The following TTC19 variants were observed in gnomAD, a reference collection of about 807,000 sequenced individuals.
TTC19 encodes the protein tetratricopeptide repeat protein 19, mitochondrial.
In TTC19, 38 loss-of-function variants were observed where a neutral mutation model predicts 49.5. The observed-to-expected ratio is 0.77, with a 90% CI of 0.59 to 1.01. The LOEUF is 1.01. TTC19 is among the 50% of genes least tolerant of loss of function. The pLI, the probability that TTC19 is intolerant of heterozygous loss-of-function variation, is 0.00. For synonymous variants in TTC19, 204 were observed against 185.2 expected (o/e 1.10, Z -0.83); for missense variants, 475 against 477.7 (o/e 0.99, Z 0.05).
intron 7 of TTC19, among the ~76,000 whole-genome samples, chr17:16,022,403 C>A (rs1383193664): frequency 6.6e-6 from 1 of 152,138 alleles, no homozygotes; most frequent in Non-Finnish European, 1.5e-5. Context: ...CCACTAAAAC[C>A]ATTAACACTC....
At chr17:16,025,194 G>A (rs1230233250) in intron 8 of TTC19, 23 bp downstream of exon 8, 1 of 1,609,944 alleles carries the variant, frequency 6.2e-7, no homozygotes, top group African/African-American at 1.3e-5. Context: ...AACACAGAAG[G>A]GGGAATATAA....
At chr17:16,015,082 T>C (rs1460914016) in intron 7 of TTC19, among the ~76,000 whole-genome samples, 1 of 152,230 alleles carries the variant, frequency 6.6e-6, no homozygotes, top group African/African-American at 2.4e-5. Flanking sequence ...ATTATGTTTG[T>C]ATTATTTGTT....
intron 7 of TTC19, among the ~76,000 whole-genome samples, chr17:16,022,289 C>G (rs1167094835): frequency 1.3e-5 from 2 of 152,188 alleles, no homozygotes; most frequent in Non-Finnish European, 2.9e-5. Context: ...GGGAGCTCAG[C>G]TGTGCAGGGA....
chr17:16,006,616 TA>T, intron 7 of TTC19, 48 bp downstream of exon 7: 2 of 1,242,724 alleles, frequency 1.6e-6, no homozygotes, highest in Non-Finnish European at 2.4e-6. Context: ...CAAAAGGCTT[TA>T]CTTTACACTT....
rs1041681272 is a variant in TTC19, at chr17:16,026,629, T to G, written c.921T>G (p.Asp307Glu). ...ATATTTATATGCAAAGGGCATCAGA[T>G]CTGGCAAGACAGATAAATCATCCTG... ...EAYIYMQRAS[D>E]LARQINHPEL... Residue 307 changes from aspartate (D) to glutamate (E), a missense_variant, in exon 9 of 10, where the codon GAT becomes GAG. By Grantham distance (45) the Asp-to-Glu change is conservative. Transcript: ENST00000261647. 1 of 1,614,148 alleles carries G rather than the reference T, an allele frequency of 6.2e-7. No individual in the cohort carries two copies.
chr17:15,999,920 C>A lies in TTC19; in HGVS notation c.72C>A (p.Cys24Ter). 1 of 1,350,876 alleles carries A rather than the reference C, an allele frequency of 7.4e-7. No individual in the cohort carries two copies. 83.7% of individuals were successfully genotyped at this position (1,350,876 alleles called of 1,614,324 possible). ...CCGCGGGGCGGCGGTGCCGGGGCTG[C>A]TCCGCGCGCCTGCTCCCGGGGCTGG... is the stretch of plus-strand genomic sequence containing the variant. ...LRAAGRRCRG[C>*]SARLLPGLAG... The change falls in exon 1 of 10, where the codon TGC becomes TGA. Residue 24 changes from cysteine (C) to a stop codon, truncating the protein, a stop_gained. Transcript: ENST00000261647. LOFTEE classifies it high-confidence loss of function.
chr17:16,022,422 G>T (rs1016017335), intron 7 of TTC19, among the ~76,000 whole-genome samples: 3 of 152,194 alleles, frequency 2.0e-5, no homozygotes, highest in East Asian at 1.9e-4. Flanking sequence ...TCATCAGAAA[G>T]TGCTAATCAG....
In TTC19 at chr17:16,018,335, C is replaced by G. The variant is rs149322785; in HGVS notation, c.677-6682C>G. On this transcript the variant is annotated intron_variant, in intron 7 of 9. Transcript: ENST00000261647. ...GCTCAATGCTTCTGTCCCACATGCT[C>G]TGGCCTCTTACCCTGGAATGTCATT... Among the ~76,000 whole-genome samples the G allele has an allele frequency of 5.8e-4, 89 of 152,282 alleles. No homozygotes were observed. In the East Asian group the frequency reaches 0.017, roughly 29 times the overall value.
chr17:16,039,787 C>T (rs2057198816), intron 2 of TTC19: 1 of 761,456 alleles, frequency 1.3e-6, no homozygotes, highest in Non-Finnish European at 2.1e-6. Context: ...GGACCCACCA[C>T]ACAGAGACCT....
At chr17:16,020,523 G>A (rs1032643010) in intron 7 of TTC19, among the ~76,000 whole-genome samples, 4 of 152,138 alleles carry the variant, frequency 2.6e-5, no homozygotes, top group African/African-American at 9.7e-5. Context: ...TTCATAGTTT[G>A]TGCTTCTTAT....
chr17:16,041,712 G>C (rs1264422181), intron 2 of TTC19, among the ~76,000 whole-genome samples: 1 of 151,800 alleles, frequency 6.6e-6, no homozygotes, highest in Non-Finnish European at 1.5e-5. Context: ...ACTGTGCTCA[G>C]CCAGAATGTG....
At chr17:16,006,404 CCAT>C (rs1970909238) in intron 6 of TTC19, 67 bp from the exon 7 acceptor site, 17 of 1,154,764 alleles carry the variant, frequency 1.5e-5, no homozygotes, top group Non-Finnish European at 2.1e-5. Flanking sequence ...GAGCGAAACT[CCAT>C]CTCAACAGAA....
At chr17:16,003,807 A>C in intron 4 of TTC19, 24 bp from the exon 5 acceptor site, 1 of 1,608,874 alleles carries the variant, frequency 6.2e-7, no homozygotes, top group South Asian at 1.1e-5. Flanking sequence ...AATTAAAAGA[A>C]AAATCTTTTC....
intron 7 of TTC19, among the ~76,000 whole-genome samples, chr17:16,016,822 T>A (rs1476665349): frequency 6.6e-6 from 1 of 152,120 alleles, no homozygotes; most frequent in Non-Finnish European, 1.5e-5. Flanking sequence ...CCTCCCAGAG[T>A]GCTGGGATTA....
intron 7 of TTC19, among the ~76,000 whole-genome samples, chr17:16,013,029 T>A (rs574815018): frequency 6.6e-6 from 1 of 152,150 alleles, no homozygotes; most frequent in African/African-American, 2.4e-5. Context: ...CATGGTGAGA[T>A]CCTGTCTCTT....
In TTC19 at chr17:15,999,978, C is replaced by A; in HGVS notation, c.130C>A (p.Pro44Thr). The A allele has an allele frequency of 7.8e-7, 1 of 1,288,872 alleles. No individual in the cohort carries two copies. The highest frequency in any genetic ancestry group is 9.8e-7 in the Non-Finnish European group (1 of 1,021,270). 79.8% of individuals were successfully genotyped at this position (1,288,872 alleles called of 1,614,324 possible). A position where few individuals can be genotyped will look rare whatever the true frequency, so the allele number is the denominator to read the frequency against. ...GGPGPEVQVP[P>T]SRVAPHGRGP... ...TCCGGGGCCCGAGGTGCAGGTGCCG[C>A]CATCCCGAGTCGCGCCGCACGGCCG... is the stretch of plus-strand genomic sequence containing the variant. Residue 44 changes from proline (P) to threonine (T), a missense_variant, in exon 1 of 10, where the codon CCA becomes ACA. Coordinates refer to ENST00000261647, the MANE Select transcript of TTC19 (RefSeq NM_017775.4).
intron 6 of TTC19, among the ~76,000 whole-genome samples, chr17:16,005,508 A>AC (rs11371110): frequency 0.2 from 30,104 of 152,118 alleles, 7,165 homozygotes; most frequent in African/African-American, 0.57. Flanking sequence ...AAACTGAAGA[A>AC]AAGAACCAAA....
chr17:16,020,818 A>G lies in TTC19; in HGVS notation c.677-4199A>G, dbSNP rs142506623. On this transcript the variant is annotated intron_variant, in intron 7 of 9. Transcript: ENST00000261647. ...CTCCAGAAGAATTAGGAGTACAGGCACGTGCCACCATGTCTGGCTTATATA... is the reference window on the plus strand; with the variant it reads ...CTCCAGAAGAATTAGGAGTACAGGCGCGTGCCACCATGTCTGGCTTATATA... 4.6e-3 allele frequency among the ~76,000 whole-genome samples: 700 copies of G among 152,034 alleles called. 11 individuals carry two copies. Among genetic ancestry groups the G allele is most frequent in the Non-Finnish European group, 4.6e-3 (312 of 67,982 alleles).
chr17:16,039,636 C>T (rs1343735661), intron 2 of TTC19: 6 of 1,613,774 alleles, frequency 3.7e-6, no homozygotes, highest in Non-Finnish European at 5.1e-6. Flanking sequence ...AAAAGAATGG[C>T]CTCTAGAGCT....
Sources: gnomAD v4.1 joint callset for allele counts (sites outside exome capture counted in the v4.1 genomes callset) on GRCh38, gnomAD v4.1.1 for gene constraint, MANE v1.5 for transcripts, NCBI Gene and HGNC (gene_info 2026-07-23, HGNC 2026-07-21) for gene names.